Variants in UNC13B observed in about 807,000 individuals in gnomAD.
UNC13B encodes unc-13 homolog B.
Under a neutral mutation model 211.0 loss-of-function variants are expected in UNC13B, and 144 were observed. That is an observed-to-expected ratio of 0.68 (90% CI 0.60 to 0.78). The LOEUF (loss-of-function observed/expected upper bound fraction) is 0.78. UNC13B is among the 30% of genes least tolerant of loss of function. UNC13B has a pLI of 0.00. For missense variants in UNC13B, 1,777 were observed against 2,002.0 expected (o/e 0.89, Z 2.14); for synonymous variants, 709 against 725.8 (o/e 0.98, Z 0.37).
At chr9:35,371,906 G>A (rs893840999) in intron 13 of UNC13B, 1 of 152,606 alleles carries the variant, frequency 6.6e-6, no homozygotes, top group Non-Finnish European at 1.5e-5. Context: ...ACATCATGTT[G>A]TTCTTTTCTC....
rs548118527 is a variant in UNC13B, at chr9:35,303,995, T to C, written c.4591T>C (p.Tyr1531His). ...WWPSEDGDYG[Y>H]YMFHDGQYIY... ...GCCATCAGAGGATGGGGATTATGGA[T>C]ATTATATGTTTCATGATGGTCAATA... The change falls in exon 9 of 40, where the codon TAT becomes CAT. Residue 1531 changes from tyrosine to histidine, a missense_variant. Tyr to His is a moderately conservative substitution (Grantham distance 83, BLOSUM62 2). Transcript: ENST00000635942. 17 of 398,786 alleles carry C rather than the reference T, an allele frequency of 4.3e-5. No individual in the cohort carries two copies. Among genetic ancestry groups the C allele is most frequent in the African/African-American group, 3.3e-4 (16 of 48,736 alleles). The allele number at this position is 398,786 out of a possible 1,614,324, so 24.7% of individuals were successfully genotyped here. A position where few individuals can be genotyped will look rare whatever the true frequency, so the allele number is the denominator to read the frequency against.
chr9:35,277,999 C>T (rs1384767955), intron 7 of UNC13B, among the ~76,000 whole-genome samples: 1 of 152,088 alleles, frequency 6.6e-6, no homozygotes, highest in Non-Finnish European at 1.5e-5. Context: ...TTAGAAATTA[C>T]TTTTGAAAGA....
chr9:35,183,389 C>T (rs1347139944), intron 1 of UNC13B, among the ~76,000 whole-genome samples: 1 of 124,774 alleles, frequency 8.0e-6, no homozygotes, highest in Non-Finnish European at 1.7e-5. Context: ...ACCTCCCAGA[C>T]GGGGCGGCCG....
At position 35,397,264 on chromosome 9, in the gene UNC13B, G is replaced by A; in HGVS notation, c.11630G>A (p.Cys3877Tyr). 1.2e-6 allele frequency: 2 copies of A among 1,614,158 alleles called. No individual in the cohort carries two copies. The highest frequency in any genetic ancestry group is 1.7e-4 in the Middle Eastern group (1 of 6,032). ...TTTGAGATCATCCGGAAGCTGGAAT[G>A]CCCAGACCCCAGCATCCTTGCCCAC... ...QSFEIIRKLE[C>Y]PDPSILAHYM... The change falls in exon 29 of 40, where the codon TGC becomes TAC. Residue 3877 changes from cysteine (C) to tyrosine (Y), a missense_variant. By Grantham distance (194) the Cys-to-Tyr change is radical. Transcript: ENST00000635942.
intron 12 of UNC13B, 109 bp downstream of exon 12, chr9:35,367,102 G>A: frequency 1.8e-6 from 2 of 1,118,858 alleles, no homozygotes; most frequent in Non-Finnish European, 2.7e-6. Context: ...GCATCCTGGG[G>A]AAGGAAAAGG....
rs748664620 is a variant in UNC13B at position 35,282,666 on chromosome 9, C to T, written c.527-13030C>T. On this transcript the variant is annotated intron_variant, in intron 7 of 39. Transcript: ENST00000635942. ...GCCAGGCTGGTCTCGAACTCCTGAC[C>T]TCAGGTGATCTGCCTGCCTCAGTCT... 4.7e-4 allele frequency among the ~76,000 whole-genome samples: 71 copies of T among 152,156 alleles called. 1 individual carries two copies. The highest frequency in any genetic ancestry group is 1.8e-4 in the Non-Finnish European group (12 of 68,024).
At chr9:35,348,237 C>G (rs1375304912) in intron 11 of UNC13B, among the ~76,000 whole-genome samples, 1 of 152,188 alleles carries the variant, frequency 6.6e-6, no homozygotes, top group East Asian at 1.9e-4. Flanking sequence ...ACTGCCTTAT[C>G]TGGACCAAAG....
Position 35,246,009 on chromosome 9 carries a change from C to A in UNC13B, c.468+2645C>A, listed in dbSNP as rs1239529440. On this transcript the variant is annotated intron_variant, in intron 6 of 39. Transcript: ENST00000635942. ...CTATTTCTCCACATCCTCTCCAGCA[C>A]CTGTTGTTTCCTGACTTTTTAATGA... Among the ~76,000 whole-genome samples, 6 of 152,222 alleles carry A rather than the reference C, an allele frequency of 3.9e-5. No individual in the cohort carries two copies. In the East Asian group the frequency reaches 1.2e-3, roughly 29 times the overall value.
chr9:35,366,507 C>T (rs1432135459), intron 11 of UNC13B, among the ~76,000 whole-genome samples: 1 of 152,058 alleles, frequency 6.6e-6, no homozygotes, highest in Non-Finnish European at 1.5e-5. Flanking sequence ...TCCAGAGAGA[C>T]CAGGTCTGAC....
chr9:35,207,153 G>A lies in UNC13B; in HGVS notation c.23-20862G>A, dbSNP rs572961257. Among the ~76,000 whole-genome samples the A allele has an allele frequency of 2.6e-5, 4 of 152,262 alleles. No homozygotes were observed. In the South Asian group the frequency reaches 8.3e-4, roughly 32 times the overall value. The stretch of plus-strand genomic sequence containing the variant: ...AAAGTTACTATTATCTGTCTTTTAA[G>A]TCATCCTAATGGGTGTGAAATGATA... On this transcript the variant is annotated intron_variant, in intron 1 of 39. Transcript: ENST00000635942.
chr9:35,376,092 A>G lies in UNC13B; in HGVS notation c.9680A>G (p.His3227Arg), dbSNP rs1564177423. ...LIYPISCTTP[H>R]NFEVWTATTP... ...TACCCCATTTCGTGCACCACTCCTC[A>G]TAACTTTGAGGTCTGGACGGCCACT... The change falls in exon 15 of 40, where the codon CAT becomes CGT. Residue 3227 changes from histidine (H) to arginine (R), a missense_variant. Physicochemically the swap from His to Arg is conservative, Grantham distance 29. Transcript: ENST00000635942. 6.2e-7 allele frequency: 1 copy of G among 1,614,230 alleles called. No individual in the cohort carries two copies. Among genetic ancestry groups the G allele is most frequent in the Non-Finnish European group, 8.5e-7 (1 of 1,180,046 alleles).
intron 11 of UNC13B, chr9:35,352,202 C>T: frequency 4.1e-6 from 5 of 1,232,178 alleles, no homozygotes; most frequent in Non-Finnish European, 5.1e-6. Context: ...TTTGTACGGA[C>T]TTCCTGAACA....
chr9:35,229,935 T>G (rs1174675200), intron 2 of UNC13B, among the ~76,000 whole-genome samples: 2 of 152,166 alleles, frequency 1.3e-5, no homozygotes, highest in Admixed American at 6.5e-5. Context: ...AAGTGATAGT[T>G]TGCTATTTTT....
chr9:35,386,532 A>C (rs552791087), intron 24 of UNC13B, among the ~76,000 whole-genome samples: 1 of 152,348 alleles, frequency 6.6e-6, no homozygotes, highest in East Asian at 1.9e-4. Flanking sequence ...TGTTGAAGAA[A>C]GTAAACCTAA....
chr9:35,316,296 A>G (rs372567285), intron 11 of UNC13B, among the ~76,000 whole-genome samples: 1 of 152,140 alleles, frequency 6.6e-6, no homozygotes, highest in Non-Finnish European at 1.5e-5. Context: ...TCAATATTGC[A>G]TTATGACTCT....
At chr9:35,242,644 C>A (rs1213702831) in intron 5 of UNC13B, among the ~76,000 whole-genome samples, 1 of 152,122 alleles carries the variant, frequency 6.6e-6, no homozygotes, top group East Asian at 1.9e-4. Flanking sequence ...CTGAATAATG[C>A]TCCGTTGTAT....
intron 14 of UNC13B, 99 bp downstream of exon 14, chr9:35,375,300 A>G: frequency 1.6e-6 from 2 of 1,278,976 alleles, no homozygotes; most frequent in Non-Finnish European, 2.3e-6. Flanking sequence ...GGAATTCAAG[A>G]GTGCTGGACA....
chr9:35,273,824 A>C (rs1828024144), intron 7 of UNC13B, among the ~76,000 whole-genome samples: 1 of 152,202 alleles, frequency 6.6e-6, no homozygotes, highest in African/African-American at 2.4e-5. Flanking sequence ...CTCTCAATGG[A>C]GGCTAGGACT....
chr9:35,331,443 C>T (rs766394419), intron 11 of UNC13B, among the ~76,000 whole-genome samples: 5 of 152,086 alleles, frequency 3.3e-5, no homozygotes, highest in Admixed American at 6.5e-5. Flanking sequence ...GATGGGGTTT[C>T]GCCATCTTGG....
Sources: gnomAD v4.1 joint callset for allele counts (sites outside exome capture counted in the v4.1 genomes callset) on GRCh38, gnomAD v4.1.1 for gene constraint, MANE v1.5 for transcripts, NCBI Gene and HGNC (gene_info 2026-07-23, HGNC 2026-07-21) for gene names.